Variants in PDZD2 observed in about 807,000 individuals in gnomAD.
The protein encoded by PDZD2 is PDZ domain-containing protein 2.
A neutral mutation model predicts 220.7 loss-of-function variants in PDZD2; 90 were observed. The ratio of observed to expected loss-of-function variants is 0.41; its 90% CI spans 0.34 to 0.49. The LOEUF is 0.49. PDZD2 is among the 20% of genes least tolerant of loss of function. The pLI is 0.28. For synonymous variants in PDZD2, 1,375 were observed against 1,450.5 expected (o/e 0.95, Z 1.18); for missense variants, 3,174 against 3,608.5 (o/e 0.88, Z 3.08).
At chr5:31,827,704 T>A (rs56389628) in intron 2 of PDZD2, among the ~76,000 whole-genome samples, 118,161 of 145,922 alleles carry the variant, frequency 0.81, 49,188 homozygotes, top group African/African-American at 0.92. Flanking sequence ...AAAAAATAAA[T>A]AAATAAAAAA....
intron 7 of PDZD2, among the ~76,000 whole-genome samples, chr5:32,041,449 T>C (rs1165632677): frequency 6.6e-6 from 1 of 152,034 alleles, no homozygotes; most frequent in African/African-American, 2.4e-5. Flanking sequence ...ACTGTGTCTG[T>C]GTAGAAAGAA....
At chr5:31,872,696 G>A (rs774117001) in intron 2 of PDZD2, among the ~76,000 whole-genome samples, 3 of 151,942 alleles carry the variant, frequency 2.0e-5, no homozygotes, top group Non-Finnish European at 2.9e-5. Context: ...TTGAAACATC[G>A]GCATATTAGT....
chr5:31,964,549 T>C (rs955913732), intron 2 of PDZD2, among the ~76,000 whole-genome samples: 2 of 152,130 alleles, frequency 1.3e-5, no homozygotes, highest in African/African-American at 4.8e-5. Context: ...TGTGGATGCC[T>C]TTCATCCAAC....
At chr5:31,979,326 T>C (rs897091054) in intron 2 of PDZD2, among the ~76,000 whole-genome samples, 2 of 152,088 alleles carry the variant, frequency 1.3e-5, no homozygotes, top group Non-Finnish European at 2.9e-5. Flanking sequence ...TCCCAGCACT[T>C]TGGGAGCCTG....
intron 1 of PDZD2, among the ~76,000 whole-genome samples, chr5:31,647,126 C>G (rs1027654597): frequency 6.6e-6 from 1 of 152,308 alleles, no homozygotes; most frequent in Admixed American, 6.5e-5. Context: ...GATCCCTCAC[C>G]TGCTCAGCTT....
intron 2 of PDZD2, among the ~76,000 whole-genome samples, chr5:31,959,734 A>G (rs1748040908): frequency 6.6e-6 from 1 of 152,248 alleles, no homozygotes; most frequent in Non-Finnish European, 1.5e-5. Context: ...GGACAGCCAT[A>G]GCAAACCACC....
intron 2 of PDZD2, among the ~76,000 whole-genome samples, chr5:31,805,179 CA>C (rs1344939310): frequency 1.3e-5 from 2 of 152,194 alleles, no homozygotes; most frequent in Non-Finnish European, 2.9e-5. Context: ...GCCTGGGCAA[CA>C]GAGCAAGACT....
chr5:31,989,423 T>TTTTTTTATTTTTTTTATTTTTTTTA (rs1751014357), intron 3 of PDZD2, among the ~76,000 whole-genome samples: 1 of 134,704 alleles, frequency 7.4e-6, no homozygotes, highest in African/African-American at 3.3e-5. Context: ...TTTCTTTTCT[T>TTTTTTTATTTTTTTTATTTTTTTTA]TTTTTTTTTT....
rs566050907 is a variant in PDZD2 at position 31,984,440 on chromosome 5, T to G, written c.978+784T>G. On this transcript the variant is annotated intron_variant, in intron 3 of 24. Coordinates refer to ENST00000438447, the MANE Select transcript of PDZD2 (RefSeq NM_178140.4). ...TCTTAGATATTCCTGCAGGCTCCAT[T>G]TGAAACGATAAACTGCCTACGTGGA... is the stretch of plus-strand genomic sequence containing the variant. 1.6e-4 allele frequency among the ~76,000 whole-genome samples: 25 copies of G among 152,320 alleles called. No individual in the cohort carries two copies. In the East Asian group the frequency reaches 4.1e-3, roughly 25 times the overall value.
rs936301751 is a variant in PDZD2, at chr5:32,010,551, A to G, written c.1407+69A>G. 4.4e-5 allele frequency: 47 copies of G among 1,072,600 alleles called. 1 individual carries two copies. The highest frequency in any genetic ancestry group is 2.0e-4 in the Middle Eastern group (1 of 4,934). The allele number at this position is 1,072,600 out of a possible 1,614,324, so 66.4% of individuals were successfully genotyped here. ...TTCTGAAGTCCTGGGCGCCAGGATT[A>G]GGGGATAAATGCTTGAGATAGTATG... is the stretch of plus-strand genomic sequence containing the variant. On this transcript the variant is annotated intron_variant, in intron 6 of 24. Coordinates refer to ENST00000438447, the MANE Select transcript of PDZD2 (RefSeq NM_178140.4).
chr5:31,692,286 T>C (rs1678918), intron 1 of PDZD2, among the ~76,000 whole-genome samples: 112,943 of 152,090 alleles, frequency 0.74, 42,634 homozygotes, highest in East Asian at 0.93. Flanking sequence ...CTACGCCCAC[T>C]CGGAACTTGC....
At chr5:32,002,765 C>CCACACACCA (rs55888165) in intron 5 of PDZD2, among the ~76,000 whole-genome samples, 98,384 of 107,132 alleles carry the variant, frequency 0.92, 45,694 homozygotes, top group Non-Finnish European at 0.96. Flanking sequence ...ACCCCACACA[C>CCACACACCA]CACACACACC....
Position 31,799,424 on chromosome 5 carries a change from C to A in PDZD2, c.176C>A (p.Pro59His), listed in dbSNP as rs763170304. Residue 59 changes from proline to histidine, a missense_variant, in exon 2 of 25, where the codon CCT becomes CAT. By Grantham distance (77) the Pro-to-His change is moderately conservative. Transcript: ENST00000438447. ...NFAVDESTVPPDHSPPEMEIC... is the reference protein window; with the variant it reads ...NFAVDESTVPHDHSPPEMEIC... ...GCTGTGGATGAGAGTACGGTCCCACCTGATCACAGCCCCCCCGAAATGGAG... is the reference window on the plus strand; with the variant it reads ...GCTGTGGATGAGAGTACGGTCCCACATGATCACAGCCCCCCCGAAATGGAG... 5.0e-6 allele frequency: 8 copies of A among 1,614,232 alleles called. No individual in the cohort carries two copies. The highest frequency in any genetic ancestry group is 6.8e-6 in the Non-Finnish European group (8 of 1,180,040).
intron 2 of PDZD2, among the ~76,000 whole-genome samples, chr5:31,851,582 C>T (rs898187837): frequency 3.3e-5 from 5 of 152,292 alleles, no homozygotes; most frequent in African/African-American, 9.6e-5. Flanking sequence ...ATTCTGTTAA[C>T]GTATCAGCAG....
At chr5:31,797,786 C>A (rs931343928) in intron 1 of PDZD2, among the ~76,000 whole-genome samples, 2 of 152,210 alleles carry the variant, frequency 1.3e-5, no homozygotes, top group African/African-American at 4.8e-5. Flanking sequence ...GTAATAAGGT[C>A]ATTTATTATT....
At chr5:32,019,303 A>G (rs1754011910) in intron 6 of PDZD2, among the ~76,000 whole-genome samples, 1 of 152,028 alleles carries the variant, frequency 6.6e-6, no homozygotes, top group South Asian at 2.1e-4. Flanking sequence ...CACCATGCCC[A>G]GCTAATTTCT....
rs1743621584 is a variant in PDZD2 at position 32,095,810 on chromosome 5, G to A, written c.7846-1469G>A. ...GGCTGGAGTGCAGTGGCGTGATCTCGGCTCACTGCAAGCTCCACCTCCTGG... is the reference window on the plus strand; with the variant it reads ...GGCTGGAGTGCAGTGGCGTGATCTCAGCTCACTGCAAGCTCCACCTCCTGG... On this transcript the variant is annotated intron_variant, in intron 21 of 24. Transcript: ENST00000438447. 2.0e-5 allele frequency among the ~76,000 whole-genome samples: 3 copies of A among 149,070 alleles called. No homozygotes were observed. In the Admixed American group the frequency reaches 2.0e-4, roughly 10 times the overall value.
intron 1 of PDZD2, among the ~76,000 whole-genome samples, chr5:31,762,290 G>T (rs1030164321): frequency 6.6e-6 from 1 of 152,146 alleles, no homozygotes; most frequent in Non-Finnish European, 1.5e-5. Flanking sequence ...TGTTGTTGTT[G>T]TTGTTGTTTT....
intron 2 of PDZD2, among the ~76,000 whole-genome samples, chr5:31,909,696 A>G (rs773648887): frequency 1.3e-5 from 2 of 152,218 alleles, no homozygotes; most frequent in Non-Finnish European, 2.9e-5. Context: ...TCTAATATTC[A>G]CATATATAAT....
Sources: gnomAD v4.1 joint callset for allele counts (sites outside exome capture counted in the v4.1 genomes callset) on GRCh38, gnomAD v4.1.1 for gene constraint, MANE v1.5 for transcripts, NCBI Gene and HGNC (gene_info 2026-07-23, HGNC 2026-07-21) for gene names.